ROBO2: variants seen among roughly 807,000 people sequenced by gnomAD.
ROBO2 encodes roundabout guidance receptor 2.
A neutral mutation model predicts 160.8 loss-of-function variants in ROBO2; 53 were observed. That is an observed-to-expected ratio of 0.33 (90% CI 0.26 to 0.41). The LOEUF is 0.41. Ranked by LOEUF, ROBO2 falls within the 10% of genes least tolerant of loss-of-function variation. ROBO2 has a pLI of 1.00. For synonymous variants in ROBO2, 664 were observed against 611.7 expected, an observed-to-expected ratio of 1.09 and a Z score of -1.26; for missense variants, 1,577 against 1,722.4, an observed-to-expected ratio of 0.92 and a Z score of 1.49.
chr3:76,213,075 G>A (rs1191959706), intron 2 of ROBO2, among the ~76,000 whole-genome samples: 1 of 152,108 alleles, frequency 6.6e-6, no homozygotes, highest in Non-Finnish European at 1.5e-5. Flanking sequence ...GGAGAGACAA[G>A]AAATTTTTGG....
At chr3:76,760,473 G>T (rs1016077956) in intron 2 of ROBO2, among the ~76,000 whole-genome samples, 1 of 151,614 alleles carries the variant, frequency 6.6e-6, no homozygotes. Context: ...CCAACCTCCT[G>T]AGTTTCTGGC....
intron 2 of ROBO2, among the ~76,000 whole-genome samples, chr3:77,180,435 T>TATATATATATATATATATA (rs1491200828): frequency 6.3e-5 from 4 of 63,918 alleles, no homozygotes; most frequent in Non-Finnish European, 1.3e-4. Flanking sequence ...TATATATGTA[T>TATATATATATATATATATA]TTTTTTTTTT....
intron 14 of ROBO2, among the ~76,000 whole-genome samples, chr3:77,577,024 A>G (rs2153672538): frequency 6.6e-6 from 1 of 152,260 alleles, no homozygotes; most frequent in East Asian, 1.9e-4. Context: ...AGAAGAAGTT[A>G]TGGTTGTTTT....
intron 1 of ROBO2, among the ~76,000 whole-genome samples, chr3:77,044,197 A>G (rs775769617): frequency 6.6e-6 from 1 of 152,256 alleles, no homozygotes; most frequent in Middle Eastern, 3.4e-3. Context: ...ATATAAAAAG[A>G]GCAGTTCTGG....
At chr3:76,274,579 C>T (rs1181818407) in intron 2 of ROBO2, among the ~76,000 whole-genome samples, 1 of 151,990 alleles carries the variant, frequency 6.6e-6, no homozygotes, top group Non-Finnish European at 1.5e-5. Context: ...TGGATCACAC[C>T]TGTAATTCCA....
chr3:76,498,904 G>C (rs752558169), intron 2 of ROBO2, among the ~76,000 whole-genome samples: 11 of 151,990 alleles, frequency 7.2e-5, no homozygotes, highest in Non-Finnish European at 1.2e-4. Context: ...GGCCAGTCTG[G>C]TCTTGAACTC....
chr3:77,530,026 T>C (rs2091526667), intron 6 of ROBO2, among the ~76,000 whole-genome samples: 1 of 151,922 alleles, frequency 6.6e-6, no homozygotes, highest in South Asian at 2.1e-4. Context: ...AGTAAAATAA[T>C]GATTACATAT....
intron 2 of ROBO2, among the ~76,000 whole-genome samples, chr3:77,144,732 A>G (rs530703857): frequency 6.6e-6 from 1 of 152,358 alleles, no homozygotes; most frequent in East Asian, 1.9e-4. Flanking sequence ...TTAGAAAGTA[A>G]GCTGACTGGG....
chr3:76,190,414 A>C (rs537331322), intron 2 of ROBO2, among the ~76,000 whole-genome samples: 1 of 152,262 alleles, frequency 6.6e-6, no homozygotes, highest in East Asian at 1.9e-4. Context: ...TGTATCATTT[A>C]AGGTGGCCTT....
chr3:76,176,887 TA>T (rs1364909483), intron 2 of ROBO2, among the ~76,000 whole-genome samples: 1 of 152,112 alleles, frequency 6.6e-6, no homozygotes, highest in East Asian at 1.9e-4. Context: ...GTAGAGAAGT[TA>T]AATGATTCTG....
chr3:77,565,322 G>A (rs564262779), intron 12 of ROBO2, among the ~76,000 whole-genome samples: 22 of 151,964 alleles, frequency 1.4e-4, no homozygotes, highest in African/African-American at 5.3e-4. Context: ...GGTTTATTCA[G>A]CAAAAAATAA....
chr3:76,424,821 G>A (rs753310962), intron 2 of ROBO2, among the ~76,000 whole-genome samples: 1 of 152,002 alleles, frequency 6.6e-6, no homozygotes, highest in Non-Finnish European at 1.5e-5. Context: ...CTTTTTTATT[G>A]CCAATCGTGC....
chr3:76,402,228 T>C (rs2077870520), intron 2 of ROBO2, among the ~76,000 whole-genome samples: 1 of 151,580 alleles, frequency 6.6e-6, no homozygotes, highest in African/African-American at 2.4e-5. Context: ...CAATTACTTT[T>C]CCATTTAAAG....
At chr3:77,571,801 G>A (rs1263956630) in intron 13 of ROBO2, among the ~76,000 whole-genome samples, 1 of 151,584 alleles carries the variant, frequency 6.6e-6, no homozygotes, top group Admixed American at 6.6e-5. Flanking sequence ...CCAAAATTTA[G>A]TGAGGTAGAA....
intron 2 of ROBO2, among the ~76,000 whole-genome samples, chr3:77,417,773 A>G (rs913054882): frequency 2.0e-5 from 3 of 152,126 alleles, no homozygotes; most frequent in Admixed American, 6.5e-5. Context: ...TCAATGACAT[A>G]GATTATCATA....
In ROBO2 at chr3:77,005,094, T is replaced by G. The variant is rs1426623055; in HGVS notation, c.110-92920T>G. ...ACAAAATAAGACAGGTTGGACACGC[T>G]TGGCAGGCTTTTCCCTTTACCTACG... is the stretch of plus-strand genomic sequence containing the variant. On this transcript the variant is annotated intron_variant, in intron 2 of 26. Coordinates refer to the ROBO2 transcript ENST00000487694. 4.6e-5 allele frequency among the ~76,000 whole-genome samples: 7 copies of G among 152,094 alleles called. No individual in the cohort carries two copies. The East Asian group carries it at 1.3e-3, about 29-fold the overall frequency.
chr3:76,329,579 G>GT lies in ROBO2; in HGVS notation c.109+391978dup, dbSNP rs199592693. Among the ~76,000 whole-genome samples, 510 of 152,292 alleles carry GT rather than the reference G, an allele frequency of 3.3e-3. 6 individuals are homozygous for GT. Among genetic ancestry groups the GT allele is most frequent in the Admixed American group, 0.024 (371 of 15,296 alleles). ...TCCTTCCGCTGGGGAATGAGTAGCT[G>GT]TAAGTTAGTTATCTTCACCTGTCCA... On this transcript the variant is annotated intron_variant, in intron 2 of 26. Coordinates refer to the ROBO2 transcript ENST00000487694.
At chr3:76,141,053 T>TTACA (rs1433668895) in intron 2 of ROBO2, among the ~76,000 whole-genome samples, 10 of 13,842 alleles carry the variant, frequency 7.2e-4, no homozygotes, top group African/African-American at 1.9e-3. Flanking sequence ...AGATGTCTTT[T>TTACA]TACATACATA....
At chr3:76,994,861 C>T (rs2060897764) in intron 2 of ROBO2, among the ~76,000 whole-genome samples, 1 of 152,098 alleles carries the variant, frequency 6.6e-6, no homozygotes, top group African/African-American at 2.4e-5. Context: ...ATAATAAAAA[C>T]ATATCAAAGT....
Sources: gnomAD v4.1 joint callset for allele counts (sites outside exome capture counted in the v4.1 genomes callset) on GRCh38, gnomAD v4.1.1 for gene constraint, MANE v1.5 for transcripts, NCBI Gene and HGNC (gene_info 2026-07-23, HGNC 2026-07-21) for gene names.